The following FHOD3 variants were observed in gnomAD, a reference collection of about 807,000 sequenced individuals.
FHOD3 encodes FH1/FH2 domain-containing protein 3.
FHOD3 carries 90 observed loss-of-function variants against 173.0 expected under a neutral mutation model. That is an observed-to-expected ratio of 0.52 (90% CI 0.44 to 0.62). The LOEUF is 0.62. Among genes scored for constraint, FHOD3 ranks in the 20% least tolerant of loss-of-function variants. The probability of loss-of-function intolerance (pLI) is 0.00; values close to 1 mark genes in which losing one functional copy is unlikely to be tolerated. For synonymous variants in FHOD3, 828 were observed against 823.0 expected, an observed-to-expected ratio of 1.01 and a Z score of -0.10; for missense variants, 1,945 against 2,034.7, an observed-to-expected ratio of 0.96 and a Z score of 0.85.
At chr18:36,451,531 A>G (rs2051843480) in intron 3 of FHOD3, among the ~76,000 whole-genome samples, 1 of 152,196 alleles carries the variant, frequency 6.6e-6, no homozygotes, top group Admixed American at 6.5e-5. Context: ...CCTTTCTCCC[A>G]GCCTCTGCCT....
chr18:36,659,251 A>AAGAT (rs1295946756), intron 14 of FHOD3, among the ~76,000 whole-genome samples: 1 of 152,162 alleles, frequency 6.6e-6, no homozygotes, highest in African/African-American at 2.4e-5. Flanking sequence ...GTTAACTTCT[A>AAGAT]AGATGGCATG....
At chr18:36,300,059 A>T (rs777377583) in intron 1 of FHOD3, among the ~76,000 whole-genome samples, 1 of 152,186 alleles carries the variant, frequency 6.6e-6, no homozygotes, top group Non-Finnish European at 1.5e-5. Context: ...AGCACTTGGC[A>T]TGTAGTGTAT....
intron 3 of FHOD3, among the ~76,000 whole-genome samples, chr18:36,425,385 C>A (rs990950165): frequency 1.3e-5 from 2 of 152,072 alleles, no homozygotes; most frequent in South Asian, 4.1e-4. Flanking sequence ...GAATGGCTAA[C>A]GTAGCTTATC....
intron 3 of FHOD3, among the ~76,000 whole-genome samples, chr18:36,468,509 C>G (rs754968494): frequency 5.2e-4 from 79 of 152,110 alleles, no homozygotes; most frequent in Non-Finnish European, 5.6e-4. Context: ...GGGAGCTGCC[C>G]GGAGCTCCTT....
intron 1 of FHOD3, among the ~76,000 whole-genome samples, chr18:36,306,478 G>T (rs1014401060): frequency 1.3e-5 from 2 of 152,186 alleles, no homozygotes; most frequent in Non-Finnish European, 2.9e-5. Flanking sequence ...AACCAGATAT[G>T]TTCCATTCAG....
At chr18:36,655,338 T>C (rs2036346247) in intron 13 of FHOD3, among the ~76,000 whole-genome samples, 1 of 152,204 alleles carries the variant, frequency 6.6e-6, no homozygotes, top group African/African-American at 2.4e-5. Flanking sequence ...TGCTGGTCTT[T>C]CTGGTGATGG....
intron 3 of FHOD3, among the ~76,000 whole-genome samples, chr18:36,377,328 A>G (rs2047492403): frequency 1.3e-5 from 2 of 151,798 alleles, no homozygotes; most frequent in African/African-American, 4.8e-5. Flanking sequence ...CCTCTAATCA[A>G]TTTGAGCTGG....
chr18:36,392,073 G>A (rs900214051), intron 3 of FHOD3, among the ~76,000 whole-genome samples: 51 of 152,330 alleles, frequency 3.3e-4, no homozygotes, highest in African/African-American at 1.2e-3. Context: ...GGACTTTGGA[G>A]CTGGCCCTCC....
chr18:36,589,463 G>A (rs945866468), intron 6 of FHOD3, among the ~76,000 whole-genome samples: 3 of 152,170 alleles, frequency 2.0e-5, no homozygotes, highest in Non-Finnish European at 4.4e-5. Flanking sequence ...TTTGCTCCAT[G>A]GAAGCTGGAA....
At chr18:36,494,078 T>C (rs1202860392) in intron 3 of FHOD3, among the ~76,000 whole-genome samples, 1 of 151,632 alleles carries the variant, frequency 6.6e-6, no homozygotes. Flanking sequence ...TGTAAATTGG[T>C]TCTCATTTTT....
intron 3 of FHOD3, among the ~76,000 whole-genome samples, chr18:36,420,294 A>G (rs2049921310): frequency 6.6e-6 from 1 of 152,176 alleles, no homozygotes; most frequent in African/African-American, 2.4e-5. Flanking sequence ...ATACAGTCAG[A>G]TGTCATGTGG....
intron 3 of FHOD3, among the ~76,000 whole-genome samples, chr18:36,399,884 G>A (rs989781555): frequency 6.6e-6 from 1 of 152,234 alleles, no homozygotes; most frequent in African/African-American, 2.4e-5. Context: ...TTAGAGGCAC[G>A]AGATGGCTGC....
At chr18:36,707,093 T>C (rs2149649207) in intron 17 of FHOD3, among the ~76,000 whole-genome samples, 1 of 152,378 alleles carries the variant, frequency 6.6e-6, no homozygotes, top group East Asian at 1.9e-4. Flanking sequence ...CAGTTTTTAC[T>C]TTTAAGGAAG....
intron 5 of FHOD3, among the ~76,000 whole-genome samples, chr18:36,550,660 C>T (rs2057614700): frequency 6.6e-6 from 1 of 152,010 alleles, no homozygotes; most frequent in Non-Finnish European, 1.5e-5. Context: ...ACATATCTTT[C>T]ATGTAATTCA....
At chr18:36,771,469 A>G (rs1567970484) in intron 28 of FHOD3, among the ~76,000 whole-genome samples, 1 of 152,184 alleles carries the variant, frequency 6.6e-6, no homozygotes, top group African/African-American at 2.4e-5. Context: ...TGCCATTTGC[A>G]TCTCTCCTTT....
chr18:36,364,508 A>T (rs1375747834), intron 2 of FHOD3, among the ~76,000 whole-genome samples: 4 of 152,138 alleles, frequency 2.6e-5, no homozygotes, highest in Non-Finnish European at 5.9e-5. Flanking sequence ...TGCTATCACT[A>T]TGAATATTAG....
intron 5 of FHOD3, among the ~76,000 whole-genome samples, chr18:36,549,421 A>G (rs142067756): frequency 5.4e-4 from 82 of 151,912 alleles, no homozygotes; most frequent in African/African-American, 1.9e-3. Flanking sequence ...TTCTCTTAGC[A>G]GGGTTTCATT....
chr18:36,472,684 G>A (rs1486258167), intron 3 of FHOD3, among the ~76,000 whole-genome samples: 1 of 152,128 alleles, frequency 6.6e-6, no homozygotes. Flanking sequence ...TTTGGGACCG[G>A]CTTCTTCCAC....
chr18:36,406,082 TGTTTTTGTTTTTG>T (rs1164121865), intron 3 of FHOD3, among the ~76,000 whole-genome samples: 4 of 143,220 alleles, frequency 2.8e-5, no homozygotes, highest in Admixed American at 6.9e-5. Context: ...GCCTGTTTTT[TGTTTTTGTTTTTG>T]TTTTTTTGTT....
Sources: allele counts gnomAD v4.1 joint callset (sites outside exome capture counted in the v4.1 genomes callset), GRCh38; gene constraint gnomAD v4.1.1; transcripts MANE v1.5; gene names NCBI Gene and HGNC (gene_info 2026-07-23, HGNC 2026-07-21).